Variants in CCDC171 observed in about 807,000 individuals in gnomAD.
The protein encoded by CCDC171 is coiled-coil domain-containing protein 171.
A neutral mutation model predicts 168.2 loss-of-function variants in CCDC171; 177 were observed. The observed-to-expected ratio is 1.05, with a 90% confidence interval of 0.93 to 1.19. The LOEUF is 1.19. Ranked by LOEUF, CCDC171 falls within the 50% of genes most tolerant of loss-of-function variation. CCDC171 has a pLI of 0.00. For synonymous variants in CCDC171, 687 were observed against 540.8 expected, an observed-to-expected ratio of 1.27 and a Z score of -3.75; for missense variants, 1,991 against 1,539.0, an observed-to-expected ratio of 1.29 and a Z score of -4.91.
chr9:15,675,512 A>G (rs201165391), intron 9 of CCDC171, among the ~76,000 whole-genome samples: 35 of 152,036 alleles, frequency 2.3e-4, no homozygotes, highest in African/African-American at 8.2e-4. Context: ...GGCTGGTACC[A>G]GTTGTTCCTT....
intron 18 of CCDC171, among the ~76,000 whole-genome samples, chr9:15,750,724 A>G (rs1409214993): frequency 1.3e-5 from 2 of 152,214 alleles, no homozygotes; most frequent in Admixed American, 1.3e-4. Flanking sequence ...GACAAAATTC[A>G]ACAGCCCTTC....
chr9:15,977,749 T>C (rs780707031), downstream of CCDC171, among the ~76,000 whole-genome samples: 7 of 152,184 alleles, frequency 4.6e-5, no homozygotes, highest in Non-Finnish European at 1.0e-4. Context: ...TATTTAGATC[T>C]GAAGAAGACT....
At chr9:15,686,743 C>T (rs2050422435) in intron 10 of CCDC171, among the ~76,000 whole-genome samples, 1 of 152,114 alleles carries the variant, frequency 6.6e-6, no homozygotes, top group Non-Finnish European at 1.5e-5. Flanking sequence ...CACCTAACAA[C>T]AGACCTCCAA....
intron 1 of CCDC171, among the ~76,000 whole-genome samples, chr9:15,559,633 C>G (rs1025215412): frequency 6.6e-6 from 1 of 152,068 alleles, no homozygotes; most frequent in Non-Finnish European, 1.5e-5. Context: ...TGTCTCTGCA[C>G]GTGAGATAGG....
In CCDC171 at chr9:15,678,834, C is replaced by G; in HGVS notation, c.1153C>G (p.Leu385Val). 1.3e-6 allele frequency: 2 copies of G among 1,595,554 alleles called. No individual in the cohort carries two copies. Among genetic ancestry groups the G allele is most frequent in the Non-Finnish European group, 1.7e-6 (2 of 1,170,888 alleles). The change falls in exon 10 of 26, where the codon CTT (leucine) becomes GTT (valine). Residue 385 changes from leucine to valine, a missense_variant. Coordinates refer to ENST00000380701, the MANE Select transcript of CCDC171 (RefSeq NM_173550.4). Reference sequence around the variant, plus strand: ...GGAACAGAAGAAAGTAATTATAGACCTTTCAAAGAGACTCCAGTATAATGA... The same window carrying G: ...GGAACAGAAGAAAGTAATTATAGACGTTTCAAAGAGACTCCAGTATAATGA... The part of the protein sequence containing the change: ...IEEQKKVIID[L>V]SKRLQYNEKS...
At chr9:15,798,581 G>T (rs1212799460) in intron 21 of CCDC171, among the ~76,000 whole-genome samples, 1 of 151,942 alleles carries the variant, frequency 6.6e-6, no homozygotes, top group African/African-American at 2.4e-5. Context: ...AGTTGTTAAG[G>T]GTTTAGCCTA....
At chr9:15,558,625 C>G (rs2039007542) in intron 1 of CCDC171, among the ~76,000 whole-genome samples, 3 of 151,988 alleles carry the variant, frequency 2.0e-5, no homozygotes, top group Admixed American at 6.6e-5. Context: ...TCTCTCTTTT[C>G]TTCTTTATTA....
At chr9:15,858,134 C>T (rs548096794) in intron 23 of CCDC171, among the ~76,000 whole-genome samples, 1 of 152,094 alleles carries the variant, frequency 6.6e-6, no homozygotes, top group South Asian at 2.1e-4. Context: ...TCTCCCGCCT[C>T]AGCCTCCTGA....
At chr9:15,823,394 A>C (rs1438789033) in intron 21 of CCDC171, among the ~76,000 whole-genome samples, 2 of 152,092 alleles carry the variant, frequency 1.3e-5, no homozygotes, top group Admixed American at 6.6e-5. Flanking sequence ...AGGAATAATA[A>C]TTTTTTTCAC....
chr9:15,867,505 C>T (rs558043767), intron 23 of CCDC171, among the ~76,000 whole-genome samples: 75 of 152,048 alleles, frequency 4.9e-4, no homozygotes, highest in African/African-American at 1.7e-3. Flanking sequence ...ATCTTGGTTC[C>T]TGAAGATCAG....
At chr9:15,644,688 C>A (rs1369352299) in intron 7 of CCDC171, among the ~76,000 whole-genome samples, 1 of 152,170 alleles carries the variant, frequency 6.6e-6, no homozygotes, top group Non-Finnish European at 1.5e-5. Context: ...AGCAGCGAGG[C>A]TGGGGGAGGA....
At chr9:15,799,135 C>CATATAT (rs57651824) in intron 21 of CCDC171, among the ~76,000 whole-genome samples, 4,624 of 108,716 alleles carry the variant, frequency 0.043, 179 homozygotes, top group East Asian at 0.056. Context: ...TCATCATTGC[C>CATATAT]ATATATATAT....
At chr9:15,891,190 A>G (rs1053797621) in intron 24 of CCDC171, among the ~76,000 whole-genome samples, 2 of 152,168 alleles carry the variant, frequency 1.3e-5, no homozygotes, top group Non-Finnish European at 2.9e-5. Context: ...TTGATGTGAA[A>G]AGAGGAAAGA....
At chr9:15,732,131 A>C (rs1053989546) in intron 16 of CCDC171, among the ~76,000 whole-genome samples, 25 of 152,034 alleles carry the variant, frequency 1.6e-4, no homozygotes, top group Non-Finnish European at 4.4e-5. Context: ...ATTTTCTCTG[A>C]ATCTCTTGCT....
chr9:15,896,241 T>A (rs1208347394), intron 24 of CCDC171, among the ~76,000 whole-genome samples: 1 of 152,028 alleles, frequency 6.6e-6, no homozygotes, highest in Non-Finnish European at 1.5e-5. Context: ...TTGGCACATT[T>A]AAGTTGTATA....
chr9:15,630,156 G>A (rs1314450019), intron 7 of CCDC171, among the ~76,000 whole-genome samples: 17 of 152,122 alleles, frequency 1.1e-4, no homozygotes, highest in Admixed American at 1.1e-3. Flanking sequence ...CATAATGACA[G>A]GATCAAATTC....
rs750412862 is a variant in CCDC171, at chr9:15,723,675, G to A, written c.1426-6G>A. The A allele has an allele frequency of 1.3e-6, 2 of 1,590,420 alleles. No homozygotes were observed. Among genetic ancestry groups the A allele is most frequent in the Admixed American group, 1.8e-5 (1 of 56,998 alleles). On this transcript the variant is annotated splice_region_variant and splice_polypyrimidine_tract_variant and intron_variant, in intron 12 of 25. Coordinates refer to ENST00000380701, the MANE Select transcript of CCDC171 (RefSeq NM_173550.4). ...TCATCAGCTAAACAGCATGAATGAT[G>A]TTAAGGAAAAGGCATGTAATGAACT...
intron 7 of CCDC171, among the ~76,000 whole-genome samples, chr9:15,650,250 G>T (rs550113720): frequency 5.9e-4 from 90 of 152,244 alleles, no homozygotes; most frequent in African/African-American, 2.0e-3. Context: ...GGCCTGTCGT[G>T]GGGTGGAGGG....
chr9:15,931,203 A>G (rs1235133735), intron 25 of CCDC171, among the ~76,000 whole-genome samples: 29 of 151,724 alleles, frequency 1.9e-4, no homozygotes, highest in Non-Finnish European at 1.5e-5. Flanking sequence ...CAACCCTACC[A>G]ACAGTGTGTA....
Sources: allele counts gnomAD v4.1 joint callset (sites outside exome capture counted in the v4.1 genomes callset), GRCh38; gene constraint gnomAD v4.1.1; transcripts MANE v1.5; gene names NCBI Gene and HGNC (gene_info 2026-07-23, HGNC 2026-07-21).